Variants in RASGRF2 observed in about 807,000 individuals in gnomAD.
The protein encoded by RASGRF2 is Ras protein specific guanine nucleotide releasing factor 2.
Under a neutral mutation model 151.0 loss-of-function variants are expected in RASGRF2, and 76 were observed. That is an observed-to-expected ratio of 0.50 (90% CI 0.42 to 0.61). The LOEUF (loss-of-function observed/expected upper bound fraction) is 0.61. RASGRF2 is among the 20% of genes least tolerant of loss of function. The pLI, the probability that RASGRF2 is intolerant of heterozygous loss-of-function variation, is 0.00. For missense variants in RASGRF2, 1,148 were observed against 1,564.6 expected, an observed-to-expected ratio of 0.73 and a Z score of 4.49; for synonymous variants, 504 against 566.5, an observed-to-expected ratio of 0.89 and a Z score of 1.57.
intron 12 of RASGRF2, among the ~76,000 whole-genome samples, chr5:81,101,412 GA>G (rs1752694023): frequency 6.6e-6 from 1 of 151,778 alleles, no homozygotes; most frequent in Non-Finnish European, 1.5e-5. Flanking sequence ...GTCCCAAATG[GA>G]AGTAAGATAA....
chr5:81,094,814 T>C, intron 11 of RASGRF2, 42 bp from the exon 12 acceptor site: 1 of 1,546,598 alleles, frequency 6.5e-7, no homozygotes, highest in Non-Finnish European at 8.9e-7. Flanking sequence ...CTCTTTGTTT[T>C]TTTGTATTCT....
At chr5:80,986,656 T>C (rs978342640) in intron 1 of RASGRF2, among the ~76,000 whole-genome samples, 1 of 152,246 alleles carries the variant, frequency 6.6e-6, no homozygotes, top group Non-Finnish European at 1.5e-5. Context: ...ACTTGGAGTT[T>C]AAGCTACGTG....
At position 81,216,437 on chromosome 5, in the gene RASGRF2, T is replaced by C. The variant is rs143498349; in HGVS notation, c.3434+482T>C. Among the ~76,000 whole-genome samples the C allele has an allele frequency of 9.9e-5, 15 of 151,982 alleles. No individual in the cohort carries two copies. In the East Asian group the frequency reaches 2.9e-3, roughly 29 times the overall value. ...GAGTTTGAGATTCTCCTGCAACTGG[T>C]ATTCTCATGATCTACCACATGTACT... On this transcript the variant is annotated intron_variant, in intron 24 of 26. Coordinates refer to ENST00000265080, the MANE Select transcript of RASGRF2 (RefSeq NM_006909.3).
intron 1 of RASGRF2, among the ~76,000 whole-genome samples, chr5:80,970,451 A>G (rs796764196): frequency 6.6e-6 from 1 of 152,268 alleles, no homozygotes; most frequent in African/African-American, 2.4e-5. Context: ...AGTGCTCTTT[A>G]TGGGGACTTA....
intron 22 of RASGRF2, among the ~76,000 whole-genome samples, chr5:81,210,755 C>T (rs779541077): frequency 1.3e-5 from 2 of 152,200 alleles, no homozygotes; most frequent in Non-Finnish European, 2.9e-5. Context: ...TCACCCTTGC[C>T]TCTCCCAGTC....
At chr5:81,140,703 A>G (rs959245809) in intron 17 of RASGRF2, among the ~76,000 whole-genome samples, 3 of 152,142 alleles carry the variant, frequency 2.0e-5, no homozygotes, top group African/African-American at 7.2e-5. Flanking sequence ...ATGGTGCTGC[A>G]CTGCCGAGTT....
chr5:81,031,110 T>C (rs1750228426), intron 1 of RASGRF2, among the ~76,000 whole-genome samples: 1 of 152,190 alleles, frequency 6.6e-6, no homozygotes, highest in African/African-American at 2.4e-5. Context: ...CTATCCTAAA[T>C]ATATATGCAC....
intron 1 of RASGRF2, among the ~76,000 whole-genome samples, chr5:81,011,792 G>A (rs1580201920): frequency 6.6e-6 from 1 of 150,986 alleles, no homozygotes; most frequent in Non-Finnish European, 1.5e-5. Context: ...ACTTGGAATT[G>A]GCATTTACAT....
chr5:81,184,394 A>G (rs1754980714), intron 18 of RASGRF2, among the ~76,000 whole-genome samples: 1 of 152,152 alleles, frequency 6.6e-6, no homozygotes, highest in African/African-American at 2.4e-5. Context: ...GGCTATAGAC[A>G]TTTCAGATCT....
At chr5:81,034,512 C>T (rs1247261689) in intron 1 of RASGRF2, among the ~76,000 whole-genome samples, 6 of 151,850 alleles carry the variant, frequency 4.0e-5, no homozygotes, top group Admixed American at 2.0e-4. Flanking sequence ...ATGTTTATTG[C>T]GGAACTATTC....
chr5:81,155,019 T>TGATTTGTGGGTTTGA (rs1754227835), intron 17 of RASGRF2, among the ~76,000 whole-genome samples: 1 of 152,226 alleles, frequency 6.6e-6, no homozygotes, highest in East Asian at 1.9e-4. Flanking sequence ...TTGATTTGCA[T>TGATTTGTGGGTTTGA]TTTGCTGATG....
At chr5:81,081,266 C>T (rs76199729) in intron 7 of RASGRF2, among the ~76,000 whole-genome samples, 10,235 of 152,168 alleles carry the variant, frequency 0.067, 360 homozygotes, top group South Asian at 0.11. Flanking sequence ...AGTCTCCCCT[C>T]GGCTGGAGCC....
intron 17 of RASGRF2, among the ~76,000 whole-genome samples, chr5:81,168,755 G>A (rs549529805): frequency 1.3e-4 from 20 of 152,110 alleles, no homozygotes; most frequent in Admixed American, 3.3e-4. Context: ...CTTTTACTCC[G>A]TCACTCTTGG....
rs73128805 is a variant in RASGRF2 at position 81,113,882 on chromosome 5, T to C, written c.2432T>C (p.Val811Ala). Residue 811 changes from valine to alanine, a missense_variant, in exon 15 of 27, where the codon GTG becomes GCG. Val to Ala is a moderately conservative substitution (Grantham distance 64). Coordinates refer to ENST00000265080, the MANE Select transcript of RASGRF2 (RefSeq NM_006909.3). ...TVEENVDNPR[V>A]DLCNKLKRSI... ...GAAGAGAATGTCGATAACCCACGCGTGGATCTGTGTAACAAGCTAAAACGA... is the reference window on the plus strand; with the variant it reads ...GAAGAGAATGTCGATAACCCACGCGCGGATCTGTGTAACAAGCTAAAACGA... 5.4e-4 allele frequency: 866 copies of C among 1,614,170 alleles called. 3 individuals are homozygous for C. In the African/African-American group the frequency reaches 9.6e-3, roughly 18 times the overall value.
In RASGRF2 at chr5:81,109,104, C is replaced by T. The variant is rs772629266; in HGVS notation, c.1838+26C>T. The T allele has an allele frequency of 1.9e-6, 3 of 1,590,660 alleles. No homozygotes were observed. The East Asian group carries it at 6.8e-5, about 36-fold the overall frequency. ...GTAAGTGTGAGAATCCTTTCCTTTA[C>T]ATTTTAATCAAGATTAAATTGGCGG... On this transcript the variant is annotated intron_variant, in intron 13 of 26. Transcript: ENST00000265080.
At chr5:81,056,645 T>C (rs1307233812) in intron 2 of RASGRF2, among the ~76,000 whole-genome samples, 1 of 152,184 alleles carries the variant, frequency 6.6e-6, no homozygotes, top group Non-Finnish European at 1.5e-5. Context: ...CTATTAGGTC[T>C]GCTTGGTGCA....
intron 17 of RASGRF2, among the ~76,000 whole-genome samples, chr5:81,168,866 T>G (rs74748346): frequency 0.021 from 3,201 of 152,324 alleles, 108 homozygotes; most frequent in African/African-American, 0.073. Flanking sequence ...CAGCGATCAC[T>G]TCTTCCTTGT....
intron 2 of RASGRF2, among the ~76,000 whole-genome samples, chr5:81,056,317 T>G (rs1007079413): frequency 3.3e-5 from 5 of 152,148 alleles, no homozygotes; most frequent in African/African-American, 1.2e-4. Flanking sequence ...GAGAGATTCT[T>G]GTATGTTGTG....
intron 19 of RASGRF2, among the ~76,000 whole-genome samples, chr5:81,205,331 A>T (rs1755481979): frequency 6.6e-6 from 1 of 152,226 alleles, no homozygotes; most frequent in Non-Finnish European, 1.5e-5. Flanking sequence ...AGAAGCGCAG[A>T]GTAAAGGAAG....
Sources: allele counts gnomAD v4.1 joint callset (sites outside exome capture counted in the v4.1 genomes callset), GRCh38; gene constraint gnomAD v4.1.1; transcripts MANE v1.5; gene names NCBI Gene and HGNC (gene_info 2026-07-23, HGNC 2026-07-21).